Variants in PTPRM observed in about 807,000 individuals in gnomAD.
PTPRM encodes the protein receptor-type tyrosine-protein phosphatase mu.
PTPRM carries 47 observed loss-of-function variants against 186.7 expected under a neutral mutation model. That is an observed-to-expected ratio of 0.25 (90% CI 0.20 to 0.32). PTPRM has a LOEUF of 0.32. Ranked by LOEUF, PTPRM falls within the 10% of genes least tolerant of loss-of-function variation. PTPRM has a pLI of 1.00. For synonymous variants in PTPRM, 668 were observed against 674.9 expected (o/e 0.99, Z 0.16); for missense variants, 1,494 against 1,865.0 (o/e 0.80, Z 3.66).
intron 3 of PTPRM, among the ~76,000 whole-genome samples, chr18:7,894,946 T>A (rs907916742): frequency 6.6e-6 from 1 of 152,244 alleles, no homozygotes; most frequent in Non-Finnish European, 1.5e-5. Context: ...CATGCAGTAC[T>A]TTATTTCTAT....
In PTPRM at chr18:8,321,967, G is replaced by A. The variant is rs571667959; in HGVS notation, c.2956+2753G>A. ...TGGCATGGACAGGTAGAATATGTTC[G>A]TAGATCACCTTTGTTGAAAAACAAA... On this transcript the variant is annotated intron_variant, in intron 22 of 32. Coordinates refer to ENST00000580170, the MANE Select transcript of PTPRM (RefSeq NM_001105244.2). 3.3e-5 allele frequency among the ~76,000 whole-genome samples: 5 copies of A among 152,206 alleles called. No individual in the cohort carries two copies. In the South Asian group the frequency reaches 1.0e-3, roughly 32 times the overall value.
At chr18:8,089,122 T>C (rs1372974855) in intron 11 of PTPRM, among the ~76,000 whole-genome samples, 1 of 152,180 alleles carries the variant, frequency 6.6e-6, no homozygotes, top group Non-Finnish European at 1.5e-5. Flanking sequence ...GAGGAGGTAG[T>C]TTTAAATTAA....
intron 14 of PTPRM, among the ~76,000 whole-genome samples, chr18:8,242,501 A>G (rs1568588133): frequency 6.6e-6 from 1 of 152,202 alleles, no homozygotes; most frequent in Non-Finnish European, 1.5e-5. Context: ...AGGGATGATC[A>G]TGATCCCCAC....
chr18:7,919,825 T>A (rs1330390918), intron 4 of PTPRM, among the ~76,000 whole-genome samples: 2 of 152,274 alleles, frequency 1.3e-5, no homozygotes, highest in East Asian at 3.9e-4. Context: ...TGTATTACAG[T>A]TTATCTCTCT....
intron 3 of PTPRM, among the ~76,000 whole-genome samples, chr18:7,897,769 T>G (rs577510250): frequency 6.3e-4 from 96 of 152,302 alleles, no homozygotes; most frequent in African/African-American, 2.3e-3. Flanking sequence ...ACCCTGTTCT[T>G]TATGACTTCT....
At chr18:7,742,327 A>C (rs937090967) in intron 1 of PTPRM, among the ~76,000 whole-genome samples, 1 of 152,168 alleles carries the variant, frequency 6.6e-6, no homozygotes, top group Non-Finnish European at 1.5e-5. Context: ...ATGGGCTTTC[A>C]GTTCATTTTC....
Position 8,380,439 on chromosome 18 carries a change from A to C in PTPRM, c.3918+12A>C. 6.2e-7 allele frequency: 1 copy of C among 1,614,092 alleles called. No homozygotes were observed. The stretch of plus-strand genomic sequence containing the variant: ...TGGATCCTGCCCAGGTGAGACCCGG[A>C]CTTCTTACAGTCAGAACTAGTGCCA... On this transcript the variant is annotated intron_variant, in intron 29 of 32. Transcript: ENST00000580170.
At chr18:7,923,178 T>C (rs1178217781) in intron 4 of PTPRM, among the ~76,000 whole-genome samples, 1 of 152,210 alleles carries the variant, frequency 6.6e-6, no homozygotes, top group Non-Finnish European at 1.5e-5. Context: ...CAATACCCCT[T>C]TAACCCAAGT....
intron 11 of PTPRM, among the ~76,000 whole-genome samples, chr18:8,110,628 C>T (rs931631445): frequency 2.0e-5 from 3 of 152,098 alleles, no homozygotes; most frequent in African/African-American, 7.2e-5. Flanking sequence ...CAGCCCGGTG[C>T]TAAAGTCACT....
At chr18:7,978,972 C>T (rs1447250353) in intron 7 of PTPRM, among the ~76,000 whole-genome samples, 1 of 152,140 alleles carries the variant, frequency 6.6e-6, no homozygotes, top group African/African-American at 2.4e-5. Context: ...GGCTCCCCAC[C>T]TGTATTTTCA....
At chr18:7,988,104 G>A (rs2083067308) in intron 7 of PTPRM, among the ~76,000 whole-genome samples, 1 of 152,016 alleles carries the variant, frequency 6.6e-6, no homozygotes, top group Admixed American at 6.6e-5. Context: ...AGGATCGCTT[G>A]AGTCTGGGAG....
intron 7 of PTPRM, among the ~76,000 whole-genome samples, chr18:8,048,506 T>G (rs1184932412): frequency 6.6e-6 from 1 of 151,884 alleles, no homozygotes; most frequent in Non-Finnish European, 1.5e-5. Context: ...CCTGGAAGAT[T>G]AGCAGGATGG....
At position 8,001,225 on chromosome 18, in the gene PTPRM, G is replaced by T. The variant is rs370163564; in HGVS notation, c.1132+45811G>T. Among the ~76,000 whole-genome samples, 15 of 152,248 alleles carry T rather than the reference G, an allele frequency of 9.9e-5. No homozygotes were observed. The East Asian group carries it at 1.9e-3, about 20-fold the overall frequency. On this transcript the variant is annotated intron_variant, in intron 7 of 32. Coordinates refer to ENST00000580170, the MANE Select transcript of PTPRM (RefSeq NM_001105244.2). ...TTCGTTGCAAGTCTCTGCTGAGAAG[G>T]GCTGGCACATTTCTTTCCTGTGTCC...
chr18:7,622,871 A>G (rs761293051), intron 1 of PTPRM, among the ~76,000 whole-genome samples: 20 of 152,124 alleles, frequency 1.3e-4, no homozygotes, highest in Admixed American at 3.3e-4. Flanking sequence ...GAGGAGAGAG[A>G]AAGAGAATAA....
chr18:8,114,960 T>C, intron 13 of PTPRM, 133 bp downstream of exon 13: 2 of 633,264 alleles, frequency 3.2e-6, no homozygotes, highest in Non-Finnish European at 5.4e-6. Flanking sequence ...TATATATATA[T>C]GCATGAATGC....
chr18:8,137,530 C>A (rs1179210074), intron 13 of PTPRM, among the ~76,000 whole-genome samples: 1 of 152,204 alleles, frequency 6.6e-6, no homozygotes, highest in Non-Finnish European at 1.5e-5. Flanking sequence ...TTCCCTTCTT[C>A]AGTGAGCCTG....
chr18:8,376,744 TC>T, intron 26 of PTPRM, 147 bp downstream of exon 26: 3 of 979,268 alleles, frequency 3.1e-6, no homozygotes, highest in African/African-American at 3.7e-5. Context: ...CCTCCCTCCC[TC>T]CCTTCCCCCT....
intron 1 of PTPRM, among the ~76,000 whole-genome samples, chr18:7,580,942 C>T (rs182413516): frequency 2.8e-4 from 42 of 152,246 alleles, no homozygotes; most frequent in Admixed American, 2.1e-3. Flanking sequence ...ATATAAAATC[C>T]GTATGATGAC....
intron 14 of PTPRM, among the ~76,000 whole-genome samples, chr18:8,166,698 T>G (rs567290676): frequency 6.6e-6 from 1 of 152,220 alleles, no homozygotes; most frequent in Non-Finnish European, 1.5e-5. Flanking sequence ...TATCACTGTT[T>G]CGCTTTGTAA....
Sources: gnomAD v4.1 joint callset for allele counts (sites outside exome capture counted in the v4.1 genomes callset) on GRCh38, gnomAD v4.1.1 for gene constraint, MANE v1.5 for transcripts, NCBI Gene and HGNC (gene_info 2026-07-23, HGNC 2026-07-21) for gene names.